HTR4: variants seen among roughly 807,000 people sequenced by gnomAD.
HTR4 encodes the protein 5-hydroxytryptamine (serotonin) receptor 4, G protein-coupled.
Under a neutral mutation model 36.8 loss-of-function variants are expected in HTR4, and 16 were observed. The ratio of observed to expected loss-of-function variants is 0.43; its 90% CI spans 0.29 to 0.66. The LOEUF is 0.66. HTR4 is among the 30% of genes least tolerant of loss of function. The pLI is 0.13. For synonymous variants in HTR4, 189 were observed against 185.1 expected (o/e 1.02, Z -0.17); for missense variants, 438 against 490.9 (o/e 0.89, Z 1.02).
intron 1 of HTR4, among the ~76,000 whole-genome samples, chr5:148,653,351 G>C (rs557958884): frequency 1.3e-5 from 2 of 152,282 alleles, no homozygotes; most frequent in South Asian, 2.1e-4. Flanking sequence ...ACCTCTGCCA[G>C]CTGCCACTTC....
At chr5:148,451,310 G>A in intron 5 of HTR4, 1 of 1,612,698 alleles carries the variant, frequency 6.2e-7, no homozygotes, top group South Asian at 1.1e-5. Context: ...AATTCAACAG[G>A]CATGCTCCAA....
intron 2 of HTR4, among the ~76,000 whole-genome samples, chr5:148,590,287 C>CTTTTTTTTTT (rs779077579): frequency 1.1e-3 from 38 of 33,342 alleles, no homozygotes; most frequent in African/African-American, 2.2e-3. Context: ...TTTTTCTTTT[C>CTTTTTTTTTT]TTTTTTTTTT....
chr5:148,462,605 C>A (rs1755304628), intron 5 of HTR4, among the ~76,000 whole-genome samples: 1 of 151,982 alleles, frequency 6.6e-6, no homozygotes, highest in Non-Finnish European at 1.5e-5. Flanking sequence ...AGAAATTATA[C>A]CAATTCTCTA....
At chr5:148,489,514 G>A (rs1756315757) in intron 6 of HTR4, among the ~76,000 whole-genome samples, 1 of 152,148 alleles carries the variant, frequency 6.6e-6, no homozygotes, top group African/African-American at 2.4e-5. Flanking sequence ...GCAAGTGGGT[G>A]GTAAGATAGC....
At chr5:148,538,854 T>C (rs963637941) in intron 4 of HTR4, among the ~76,000 whole-genome samples, 1 of 152,060 alleles carries the variant, frequency 6.6e-6, no homozygotes, top group Non-Finnish European at 1.5e-5. Flanking sequence ...AAACATTCTT[T>C]GCAGAAGTAG....
At chr5:148,535,687 A>G (rs1170646199) in intron 4 of HTR4, among the ~76,000 whole-genome samples, 1 of 152,192 alleles carries the variant, frequency 6.6e-6, no homozygotes, top group Non-Finnish European at 1.5e-5. Context: ...AAAAATAAAG[A>G]CAAAATAATT....
At chr5:148,476,849 G>A, downstream of HTR4, 1 of 1,567,618 alleles carries the variant, frequency 6.4e-7, no homozygotes. Context: ...ATTGGAATAG[G>A]TCAAAAACCT....
intron 6 of HTR4, among the ~76,000 whole-genome samples, chr5:148,501,661 T>C (rs1756939630): frequency 6.6e-6 from 1 of 152,200 alleles, no homozygotes; most frequent in South Asian, 2.1e-4. Context: ...CTTTGTAAGA[T>C]TTAACCTCTA....
chr5:148,529,308 A>T (rs762755989), intron 4 of HTR4, among the ~76,000 whole-genome samples: 1 of 152,156 alleles, frequency 6.6e-6, no homozygotes, highest in Non-Finnish European at 1.5e-5. Context: ...CCCAAATCTC[A>T]TCTTGGATTG....
At chr5:148,625,230 G>A (rs778411533) in intron 2 of HTR4, among the ~76,000 whole-genome samples, 5 of 152,132 alleles carry the variant, frequency 3.3e-5, no homozygotes, top group African/African-American at 7.2e-5. Context: ...CAGAAAAGAG[G>A]TGAAGCCTTA....
chr5:148,498,431 C>T (rs1330713909), intron 6 of HTR4, among the ~76,000 whole-genome samples: 2 of 152,032 alleles, frequency 1.3e-5, no homozygotes, highest in Non-Finnish European at 2.9e-5. Flanking sequence ...GTATTTTAAT[C>T]CTTCATAAAT....
intron 6 of HTR4, among the ~76,000 whole-genome samples, chr5:148,489,966 G>T (rs906540395): frequency 2.6e-5 from 4 of 151,770 alleles, no homozygotes; most frequent in Non-Finnish European, 5.9e-5. Flanking sequence ...TCCCTTTATG[G>T]CTATATTATA....
At chr5:148,490,716 G>A (rs568772183) in intron 6 of HTR4, 4 of 1,243,180 alleles carry the variant, frequency 3.2e-6, no homozygotes, top group Non-Finnish European at 4.1e-6. Context: ...ACTTTACTAG[G>A]AACTCCCTAG....
intron 6 of HTR4, among the ~76,000 whole-genome samples, chr5:148,489,305 A>G (rs748295795): frequency 6.6e-6 from 1 of 152,182 alleles, no homozygotes; most frequent in Admixed American, 6.5e-5. Flanking sequence ...CCCCAGGTAG[A>G]GTATCTAGAG....
intron 2 of HTR4, among the ~76,000 whole-genome samples, chr5:148,583,604 C>T (rs1761230871): frequency 7.0e-6 from 1 of 142,420 alleles, no homozygotes; most frequent in African/African-American, 2.7e-5. Context: ...CTCATTAATA[C>T]TAATTGCCAT....
intron 2 of HTR4, among the ~76,000 whole-genome samples, chr5:148,603,528 C>A (rs1218736317): frequency 6.6e-6 from 1 of 151,882 alleles, no homozygotes; most frequent in Non-Finnish European, 1.5e-5. Context: ...GAGGTCCTAG[C>A]CAGTATGATG....
chr5:148,500,195 T>C (rs998849808), intron 6 of HTR4, among the ~76,000 whole-genome samples: 1 of 152,136 alleles, frequency 6.6e-6, no homozygotes, highest in African/African-American at 2.4e-5. Context: ...AGGAAGCAAA[T>C]TGGATCTTCT....
intron 2 of HTR4, among the ~76,000 whole-genome samples, chr5:148,606,801 G>A (rs1397449606): frequency 1.3e-5 from 2 of 152,090 alleles, no homozygotes; most frequent in East Asian, 1.9e-4. Context: ...TATAAAATAG[G>A]TCTATAACTG....
chr5:148,613,486 C>T (rs1436059637), intron 2 of HTR4, among the ~76,000 whole-genome samples: 1 of 151,918 alleles, frequency 6.6e-6, no homozygotes, highest in African/African-American at 2.4e-5. Flanking sequence ...AACAACCCTT[C>T]ATGCTAAAAA....
Sources: allele counts gnomAD v4.1 joint callset (sites outside exome capture counted in the v4.1 genomes callset), GRCh38; gene constraint gnomAD v4.1.1; transcripts MANE v1.5; gene names NCBI Gene and HGNC (gene_info 2026-07-23, HGNC 2026-07-21).